Variants in KIRREL3 observed in about 807,000 individuals in gnomAD.
KIRREL3 encodes the protein kin of IRRE-like protein 3.
In KIRREL3, 36 loss-of-function variants were observed where a neutral mutation model predicts 89.7. The ratio of observed to expected loss-of-function variants is 0.40; its 90% CI spans 0.31 to 0.53. The LOEUF (loss-of-function observed/expected upper bound fraction) is 0.53. Ranked by LOEUF, KIRREL3 falls within the 20% of genes least tolerant of loss-of-function variation. The probability of loss-of-function intolerance (pLI) is 0.49; values close to 1 mark genes in which losing one functional copy is unlikely to be tolerated. For synonymous variants in KIRREL3, 445 were observed against 441.4 expected (o/e 1.01, Z -0.10); for missense variants, 864 against 1,056.6 (o/e 0.82, Z 2.53).
intron 1 of KIRREL3, among the ~76,000 whole-genome samples, chr11:126,595,361 G>A (rs1044928229): frequency 2.6e-5 from 4 of 152,242 alleles, no homozygotes; most frequent in African/African-American, 9.6e-5. Flanking sequence ...TGGCAAAGTG[G>A]AGCCCAGCAG....
intron 1 of KIRREL3, among the ~76,000 whole-genome samples, chr11:126,673,046 G>C (rs1205072461): frequency 3.3e-5 from 5 of 152,184 alleles, no homozygotes; most frequent in African/African-American, 9.7e-5. Flanking sequence ...AGACAGAAAT[G>C]GTCCCCCAGT....
At chr11:126,799,265 T>C (rs374435231) in intron 1 of KIRREL3, among the ~76,000 whole-genome samples, 1 of 147,434 alleles carries the variant, frequency 6.8e-6, no homozygotes, top group African/African-American at 2.5e-5. Flanking sequence ...TGTGTGCGTG[T>C]GCATGTACCT....
rs1947093286 is a variant in KIRREL3, at chr11:126,917,607, G to A, written c.55+82848C>T. Among the ~76,000 whole-genome samples the A allele has an allele frequency of 6.6e-6, 1 of 152,180 alleles. No individual in the cohort carries two copies. The highest frequency in any genetic ancestry group is 2.4e-5 in the African/African-American group (1 of 41,430). ...CAGTTGTAGGCTGTGTGGGGAGTGA[G>A]TAATGATCACCTGGTGCAATCTGGT... On this transcript the variant is annotated intron_variant, in intron 1 of 16. Coordinates refer to ENST00000525144, the MANE Select transcript of KIRREL3 (RefSeq NM_032531.4). This position sits in a 1 kb window ranked among gnomAD's most constrained non-coding sequence, Gnocchi z 5.0.
Position 126,544,982 on chromosome 11 carries a change from C to T in KIRREL3, c.133+17853G>A, listed in dbSNP as rs2134507132. Among the ~76,000 whole-genome samples the T allele has an allele frequency of 6.6e-6, 1 of 152,228 alleles. No individual in the cohort carries two copies. Among genetic ancestry groups the T allele is most frequent in the African/African-American group, 2.4e-5 (1 of 41,528 alleles). ...CGCAATCTAATAAATTACTTGGTACCCGGCTGCCAGCTCAGACTAAGCCCA... is the reference window on the plus strand; with the variant it reads ...CGCAATCTAATAAATTACTTGGTACTCGGCTGCCAGCTCAGACTAAGCCCA... On this transcript the variant is annotated intron_variant, in intron 2 of 16. Coordinates refer to ENST00000525144, the MANE Select transcript of KIRREL3 (RefSeq NM_032531.4). The surrounding 1 kb of genome is among the most constrained non-coding windows in gnomAD (Gnocchi z 5.6).
chr11:126,656,593 A>G lies in KIRREL3; in HGVS notation c.56-93681T>C, dbSNP rs1945148994. 6.6e-6 allele frequency among the ~76,000 whole-genome samples: 1 copy of G among 152,196 alleles called. No homozygotes were observed. The highest frequency in any genetic ancestry group is 2.1e-4 in the South Asian group (1 of 4,826). ...GCCCAGCCCCTGCACTGATTGTCTT[A>G]CCCACAGGGGCAGTTTAAATCTTCA... On this transcript the variant is annotated intron_variant, in intron 1 of 16. Transcript: ENST00000525144. This position sits in a 1 kb window ranked among gnomAD's most constrained non-coding sequence, Gnocchi z 4.0.
rs1459149977 is a variant in KIRREL3 at position 126,870,160 on chromosome 11, G to A, written c.55+130295C>T. Among the ~76,000 whole-genome samples, 2 of 152,196 alleles carry A rather than the reference G, an allele frequency of 1.3e-5. No homozygotes were observed. The highest frequency in any genetic ancestry group is 2.9e-5 in the Non-Finnish European group (2 of 68,030). On this transcript the variant is annotated intron_variant, in intron 1 of 16. Transcript: ENST00000525144. The surrounding 1 kb of genome is among the most constrained non-coding windows in gnomAD (Gnocchi z 4.4). Reference sequence around the variant, plus strand: ...TGAGTGTGGGCGAGTGTGGGGCACAGGGTCGTATGTCCTGGGGCAGGGCTC... The same window carrying A: ...TGAGTGTGGGCGAGTGTGGGGCACAAGGTCGTATGTCCTGGGGCAGGGCTC...
chr11:126,452,334 C>T (rs1278474656), intron 7 of KIRREL3, among the ~76,000 whole-genome samples: 2 of 152,260 alleles, frequency 1.3e-5, no homozygotes, highest in Non-Finnish European at 2.9e-5. Flanking sequence ...CCCCTGCCTG[C>T]GGCAAATGAA....
intron 1 of KIRREL3, among the ~76,000 whole-genome samples, chr11:126,567,009 C>A: frequency 6.6e-6 from 1 of 152,112 alleles, no homozygotes; most frequent in Non-Finnish European, 1.5e-5. Flanking sequence ...GGGTAAAGTA[C>A]GGGGTCGCAG....
At chr11:126,759,535 G>C (rs1213450475) in intron 1 of KIRREL3, among the ~76,000 whole-genome samples, 2 of 152,214 alleles carry the variant, frequency 1.3e-5, no homozygotes, top group Non-Finnish European at 2.9e-5. Context: ...TTTACTGATG[G>C]ATGTTAGTGA....
intron 1 of KIRREL3, chr11:126,920,338 C>T (rs754118647): frequency 3.3e-5 from 5 of 152,310 alleles, no homozygotes; most frequent in Non-Finnish European, 7.3e-5. Context: ...AAGATAAATG[C>T]TCAGCACCAT....
intron 1 of KIRREL3, among the ~76,000 whole-genome samples, chr11:126,880,326 T>C (rs1945450907): frequency 6.6e-6 from 1 of 152,204 alleles, no homozygotes; most frequent in Non-Finnish European, 1.5e-5. Flanking sequence ...GACATCCAAC[T>C]GTTCAGAAGG....
At position 126,948,565 on chromosome 11, in the gene KIRREL3, A is replaced by C. The variant is rs1948687691; in HGVS notation, c.55+51890T>G. 6.6e-6 allele frequency among the ~76,000 whole-genome samples: 1 copy of C among 152,206 alleles called. No individual in the cohort carries two copies. Among genetic ancestry groups the C allele is most frequent in the African/African-American group, 2.4e-5 (1 of 41,456 alleles). ...AACTATGAGGGATTTTAGGCTTCCC[A>C]AAAAGCATAAAAAGCAGTTAAGCAT... On this transcript the variant is annotated intron_variant, in intron 1 of 16. Transcript: ENST00000525144. The surrounding 1 kb of genome is among the most constrained non-coding windows in gnomAD (Gnocchi z 4.5).
At chr11:126,793,284 C>G (rs1731544454) in intron 1 of KIRREL3, among the ~76,000 whole-genome samples, 1 of 152,126 alleles carries the variant, frequency 6.6e-6, no homozygotes, top group African/African-American at 2.4e-5. Flanking sequence ...CACTGGGGAC[C>G]ATGGGTCTTA....
rs976052622 is a variant in KIRREL3 at position 126,772,736 on chromosome 11, C to A, written c.56-209824G>T. Among the ~76,000 whole-genome samples the A allele has an allele frequency of 5.3e-5, 8 of 152,216 alleles. No individual in the cohort carries two copies. Among genetic ancestry groups the A allele is most frequent in the African/African-American group, 1.9e-4 (8 of 41,458 alleles). The stretch of plus-strand genomic sequence containing the variant: ...CCACAGGCCAGCAGGGAAGTCACTG[C>A]AGCCTCTGGGGGTGCCATCGTGGTG... On this transcript the variant is annotated intron_variant, in intron 1 of 16. Coordinates refer to ENST00000525144, the MANE Select transcript of KIRREL3 (RefSeq NM_032531.4). This position sits in a 1 kb window ranked among gnomAD's most constrained non-coding sequence, Gnocchi z 4.6.
intron 1 of KIRREL3, among the ~76,000 whole-genome samples, chr11:126,841,914 G>A (rs889031684): frequency 1.2e-4 from 18 of 152,156 alleles, no homozygotes; most frequent in African/African-American, 2.9e-4. Context: ...GGTGGACCAC[G>A]GGGTTGAAAT....
rs1442252207 is a variant in KIRREL3, at chr11:126,498,838, G to C, written c.433+22477C>G. On this transcript the variant is annotated intron_variant, in intron 4 of 16. Coordinates refer to ENST00000525144, the MANE Select transcript of KIRREL3 (RefSeq NM_032531.4). The surrounding 1 kb of genome is among the most constrained non-coding windows in gnomAD (Gnocchi z 4.3). ...TAAATGCCAGTTCTTCACAGGCTCA[G>C]GACCTCGACGCACGGAAACTTCTGG... Among the ~76,000 whole-genome samples, 2 of 152,192 alleles carry C rather than the reference G, an allele frequency of 1.3e-5. No individual in the cohort carries two copies. Among genetic ancestry groups the C allele is most frequent in the Non-Finnish European group, 2.9e-5 (2 of 68,040 alleles).
chr11:126,740,254 C>T lies in KIRREL3; in HGVS notation c.56-177342G>A, dbSNP rs111614846. Reference sequence around the variant, plus strand: ...TAAAGGCTATAGTGGGGGAGTTCTACGGTGATTAATGGAAGAAAATGCAGA... The same window carrying T: ...TAAAGGCTATAGTGGGGGAGTTCTATGGTGATTAATGGAAGAAAATGCAGA... On this transcript the variant is annotated intron_variant, in intron 1 of 16. Transcript: ENST00000525144. This position sits in a 1 kb window ranked among gnomAD's most constrained non-coding sequence, Gnocchi z 6.0. Among the ~76,000 whole-genome samples the T allele has an allele frequency of 8.1e-4, 123 of 152,104 alleles. 1 individual carries two copies. The highest frequency in any genetic ancestry group is 3.4e-3 in the Middle Eastern group (1 of 294).
chr11:126,592,529 G>A (rs943514403), intron 1 of KIRREL3, among the ~76,000 whole-genome samples: 2 of 152,226 alleles, frequency 1.3e-5, no homozygotes, highest in African/African-American at 2.4e-5. Flanking sequence ...GAAGATTGGG[G>A]TCTAAAGGGG....
rs549096499 is a variant in KIRREL3, at chr11:126,903,070, C to T, written c.55+97385G>A. Among the ~76,000 whole-genome samples, 1 of 152,226 alleles carries T rather than the reference C, an allele frequency of 6.6e-6. No homozygotes were observed. Among genetic ancestry groups the T allele is most frequent in the Non-Finnish European group, 1.5e-5 (1 of 68,002 alleles). ...TCATTTACTCAGCAGCATATTGTAC[C>T]TTTGCCTATTGTTTTCTTACTTGTC... On this transcript the variant is annotated intron_variant, in intron 1 of 16. Coordinates refer to ENST00000525144, the MANE Select transcript of KIRREL3 (RefSeq NM_032531.4). This position sits in a 1 kb window ranked among gnomAD's most constrained non-coding sequence, Gnocchi z 4.5.
Sources: gnomAD v4.1 joint callset for allele counts (sites outside exome capture counted in the v4.1 genomes callset) on GRCh38, gnomAD v4.1.1 for gene constraint, Gnocchi (gnomAD v3.1) non-coding constraint, MANE v1.5 for transcripts, NCBI Gene and HGNC (gene_info 2026-07-23, HGNC 2026-07-21) for gene names.